KIF17: variants seen among roughly 807,000 people sequenced by gnomAD.
KIF17 encodes the protein kinesin-like protein KIF17.
Under a neutral mutation model 96.8 loss-of-function variants are expected in KIF17, and 80 were observed. The ratio of observed to expected loss-of-function variants is 0.83; its 90% CI spans 0.69 to 1.00. The LOEUF is 1.00. KIF17 is among the 50% of genes least tolerant of loss of function. The probability of loss-of-function intolerance (pLI) is 0.00; values close to 1 mark genes in which losing one functional copy is unlikely to be tolerated. For synonymous variants in KIF17, 567 were observed against 587.5 expected (o/e 0.97, Z 0.51); for missense variants, 1,280 against 1,372.9 (o/e 0.93, Z 1.07).
chr1:20,713,752 C>T (rs536445697), intron 2 of KIF17, among the ~76,000 whole-genome samples, 197 bp from the exon 3 acceptor site: 13 of 152,186 alleles, frequency 8.5e-5, no homozygotes, highest in African/African-American at 3.1e-4. Context: ...GCTTGGTGGG[C>T]GCTCAGGCCT....
downstream of KIF17, among the ~76,000 whole-genome samples, chr1:20,662,076 G>A (rs2053444606): frequency 1.3e-5 from 2 of 152,244 alleles, no homozygotes; most frequent in Admixed American, 6.5e-5. Context: ...CAGTTTCCCT[G>A]GCTGTAAATA....
At chr1:20,703,926 G>A (rs539086351) in intron 5 of KIF17, among the ~76,000 whole-genome samples, 121 of 121,098 alleles carry the variant, frequency 1.0e-3, no homozygotes, top group Middle Eastern at 4.2e-3. Flanking sequence ...GCGAGACTCC[G>A]TCTCAAAAAA....
At position 20,666,401 on chromosome 1, in the gene KIF17, TGGTATCCTGGGGCAGTGGG is replaced by T. The variant is rs368316104; in HGVS notation, c.2791-89_2791-71del. 10,608 of 1,288,504 alleles carry T rather than the reference TGGTATCCTGGGGCAGTGGG, an allele frequency of 8.2e-3. 52 individuals are homozygous for T. Among genetic ancestry groups the T allele is most frequent in the Non-Finnish European group, 0.011 (9,294 of 884,356 alleles). 79.8% of individuals were successfully genotyped at this position (1,288,504 alleles called of 1,614,324 possible). On this transcript the variant is annotated intron_variant, in intron 13 of 14. Coordinates refer to ENST00000400463, the MANE Select transcript of KIF17 (RefSeq NM_001122819.3). ...CCCTGGCACAGGGCTCCACAGCCTC[TGGTATCCTGGGGCAGTGGG>T]GGCCGCCCCGAGCTTCCCCGAAGTT...
chr1:20,678,260 C>A (rs1477892138), intron 11 of KIF17, among the ~76,000 whole-genome samples: 1 of 152,110 alleles, frequency 6.6e-6, no homozygotes. Flanking sequence ...ATGGGGGAAA[C>A]CGACCCCATG....
chr1:20,667,397 C>T (rs572850873), intron 13 of KIF17, among the ~76,000 whole-genome samples: 4 of 152,130 alleles, frequency 2.6e-5, no homozygotes, highest in South Asian at 2.1e-4. Flanking sequence ...AACATGCTCA[C>T]GGCTCCCACT....
intron 6 of KIF17, among the ~76,000 whole-genome samples, chr1:20,694,554 A>G (rs987311504): frequency 6.6e-6 from 1 of 152,164 alleles, no homozygotes; most frequent in African/African-American, 2.4e-5. Flanking sequence ...AGCCAGAGAG[A>G]GGGGACAAGG....
chr1:20,663,008 A>T (rs145134509), downstream of KIF17, among the ~76,000 whole-genome samples: 1,589 of 152,252 alleles, frequency 0.01, 21 homozygotes, highest in African/African-American at 0.035. Flanking sequence ...TGGGCAGATC[A>T]CTTGAGGTCA....
chr1:20,665,709 CT>C (rs1372979067), intron 14 of KIF17, among the ~76,000 whole-genome samples: 1 of 152,138 alleles, frequency 6.6e-6, no homozygotes, highest in Non-Finnish European at 1.5e-5. Flanking sequence ...CCAAGATTTG[CT>C]TTTTATTGCT....
chr1:20,663,390 T>G (rs1483760564), downstream of KIF17, among the ~76,000 whole-genome samples: 1 of 152,166 alleles, frequency 6.6e-6, no homozygotes, highest in Non-Finnish European at 1.5e-5. Context: ...TTGTGGGGCC[T>G]GCCATAGAAA....
At chr1:20,705,893 C>CTTTTTTTTTTTTTTT (rs747719983) in intron 4 of KIF17, among the ~76,000 whole-genome samples, 1 of 53,566 alleles carries the variant, frequency 1.9e-5, no homozygotes, top group African/African-American at 7.3e-5. Flanking sequence ...TAGGATGTCT[C>CTTTTTTTTTTTTTTT]TTTTTTTTTT....
intron 6 of KIF17, among the ~76,000 whole-genome samples, chr1:20,694,657 C>A (rs552677912): frequency 2.0e-5 from 3 of 152,198 alleles, no homozygotes; most frequent in African/African-American, 7.2e-5. Context: ...CTGATTTAGG[C>A]TCCTAGGGAG....
At chr1:20,716,899 G>A (rs2154538128) in intron 1 of KIF17, among the ~76,000 whole-genome samples, 1 of 152,304 alleles carries the variant, frequency 6.6e-6, no homozygotes, top group African/African-American at 2.4e-5. Flanking sequence ...GGCTTGGGGT[G>A]GATCCTGTAT....
At chr1:20,707,602 C>T (rs1354022250) in intron 4 of KIF17, among the ~76,000 whole-genome samples, 7 of 151,480 alleles carry the variant, frequency 4.6e-5, no homozygotes, top group African/African-American at 1.2e-4. Context: ...GAGATCCTGT[C>T]GCTACAAAAC....
At position 20,717,805 on chromosome 1, in the gene KIF17, G is replaced by T; in HGVS notation, c.-99C>A. ...GGGGCGGGGCCAGCGCCGGCCACGG[G>T]GGGCGGGGCCTTGAGGCAGGGGCGG... On this transcript the variant is annotated 5_prime_UTR_variant, in exon 1 of 15. Transcript: ENST00000400463. 1.5e-6 allele frequency: 2 copies of T among 1,301,614 alleles called. No individual in the cohort carries two copies. The highest frequency in any genetic ancestry group is 2.0e-6 in the Non-Finnish European group (2 of 1,022,092). The allele number at this position is 1,301,614 out of a possible 1,614,324, so 80.6% of individuals were successfully genotyped here.
At chr1:20,716,638 T>G (rs1296477565) in intron 1 of KIF17, among the ~76,000 whole-genome samples, 1 of 151,576 alleles carries the variant, frequency 6.6e-6, no homozygotes, top group Non-Finnish European at 1.5e-5. Flanking sequence ...TCAGCTTGAG[T>G]AAAGCCACAC....
chr1:20,711,718 T>C (rs1244756501), intron 3 of KIF17, among the ~76,000 whole-genome samples: 1 of 152,160 alleles, frequency 6.6e-6, no homozygotes, highest in Non-Finnish European at 1.5e-5. Flanking sequence ...CCCAAACCTC[T>C]TGCTGGCCTT....
At chr1:20,702,586 C>T (rs1036849772) in intron 5 of KIF17, among the ~76,000 whole-genome samples, 1 of 152,182 alleles carries the variant, frequency 6.6e-6, no homozygotes, top group Non-Finnish European at 1.5e-5. Flanking sequence ...TCCTGCCTGA[C>T]CACCTCCCAT....
chr1:20,713,415 C>G (rs527947060), intron 3 of KIF17, 39 bp downstream of exon 3: 53 of 1,489,910 alleles, frequency 3.6e-5, no homozygotes, highest in Admixed American at 1.3e-4. Context: ...CAACCTCCCC[C>G]CTACCAGCCC....
Position 20,704,667 on chromosome 1 carries a change from G to A in KIF17, c.903C>T (p.Gly301=), listed in dbSNP as rs774539985. 1.4e-5 allele frequency: 23 copies of A among 1,614,054 alleles called. No homozygotes were observed. The highest frequency in any genetic ancestry group is 4.5e-5 in the East Asian group (2 of 44,878). The change falls in exon 5 of 15, where the codon GGC becomes GGT. Residue 301 remains glycine, a synonymous_variant. Transcript: ENST00000400463. The surrounding 1 kb of genome is among the most constrained non-coding windows in gnomAD (Gnocchi z 6.8). ...KLTRLLQDSL[G]GNTKTLMVAC... is the part of the protein sequence containing the mutation. Reference sequence around the variant, plus strand: ...CCACCATGAGCGTCTTGGTGTTGCCGCCCAGTGAGTCCTGCAGCAGCCGCG... The same window carrying A: ...CCACCATGAGCGTCTTGGTGTTGCCACCCAGTGAGTCCTGCAGCAGCCGCG...
Sources: allele counts gnomAD v4.1 joint callset (sites outside exome capture counted in the v4.1 genomes callset), GRCh38; gene constraint gnomAD v4.1.1; non-coding constraint Gnocchi (gnomAD v3.1); transcripts MANE v1.5; gene names NCBI Gene and HGNC (gene_info 2026-07-23, HGNC 2026-07-21).